Variants in FAF2 observed in about 807,000 individuals in gnomAD.
The protein encoded by FAF2 is Fas associated factor family member 2, also known as FAS-associated factor 2.
In FAF2, 9 loss-of-function variants were observed where a neutral mutation model predicts 62.3. That is an observed-to-expected ratio of 0.14 (90% CI 0.09 to 0.25). The LOEUF is 0.25. Among genes scored for constraint, FAF2 ranks in the 10% least tolerant of loss-of-function variants. The pLI, the probability that FAF2 is intolerant of heterozygous loss-of-function variation, is 1.00. For missense variants in FAF2, 368 were observed against 556.2 expected, an observed-to-expected ratio of 0.66 and a Z score of 3.40; for synonymous variants, 202 against 198.0, an observed-to-expected ratio of 1.02 and a Z score of -0.17.
chr5:176,468,885 A>C (rs1178647385), intron 1 of FAF2, among the ~76,000 whole-genome samples: 2 of 152,084 alleles, frequency 1.3e-5, no homozygotes, highest in African/African-American at 4.8e-5. Context: ...AGATGGTTAC[A>C]GTGAGCTATG....
chr5:176,477,973 C>G (rs1219788709), intron 1 of FAF2, among the ~76,000 whole-genome samples: 3 of 152,162 alleles, frequency 2.0e-5, no homozygotes, highest in Non-Finnish European at 4.4e-5. Flanking sequence ...TATTCATTTT[C>G]TGTCCCTCCA....
chr5:176,492,261 T>G lies in FAF2; in HGVS notation c.412T>G (p.Ser138Ala). ...RVTDPVGDIV[S>A]FMHSFEEKYG... ...CACTGACCCCGTTGGGGACATTGTT[T>G]CATTTATGCACTCTTTTGAAGAGAA... The change falls in exon 5 of 11, where the codon TCA becomes GCA. Residue 138 changes from serine (S) to alanine (A), a missense_variant. Coordinates refer to ENST00000261942, the MANE Select transcript of FAF2 (RefSeq NM_014613.3). 6.2e-7 allele frequency: 1 copy of G among 1,614,204 alleles called. No homozygotes were observed. The highest frequency in any genetic ancestry group is 1.1e-5 in the South Asian group (1 of 91,076).
intron 7 of FAF2, 80 bp from the exon 8 acceptor site, chr5:176,496,406 C>A: frequency 8.6e-7 from 1 of 1,159,826 alleles, no homozygotes; most frequent in Non-Finnish European, 1.2e-6. Context: ...ACAGTTCTCT[C>A]TCACTCATTG....
At chr5:176,493,535 A>T (rs535215860) in intron 5 of FAF2, among the ~76,000 whole-genome samples, 12 of 152,370 alleles carry the variant, frequency 7.9e-5, no homozygotes, top group Admixed American at 4.6e-4. Flanking sequence ...CGTACAGTCC[A>T]TCATTCCTAC....
intron 9 of FAF2, among the ~76,000 whole-genome samples, chr5:176,499,702 C>T (rs1321265723): frequency 6.6e-6 from 1 of 151,834 alleles, no homozygotes; most frequent in Non-Finnish European, 1.5e-5. Flanking sequence ...TGGAGCACTA[C>T]ACCCTGAAAC....
intron 1 of FAF2, among the ~76,000 whole-genome samples, chr5:176,477,308 A>T (rs1758720179): frequency 7.2e-6 from 1 of 138,566 alleles, no homozygotes; most frequent in African/African-American, 2.8e-5. Context: ...GCTGGTCTCT[A>T]ACTCCTGACC....
rs188081483 is a variant in FAF2 at position 176,478,394 on chromosome 5, G to A, written c.64-794G>A. On this transcript the variant is annotated intron_variant, in intron 1 of 10. Coordinates refer to ENST00000261942, the MANE Select transcript of FAF2 (RefSeq NM_014613.3). ...CTCAGGAGGCTGAGGCGGGAGGATC[G>A]CTTCAGTCTGGGAAGTTGAGACTGC... 1.3e-3 allele frequency among the ~76,000 whole-genome samples: 203 copies of A among 152,236 alleles called. 2 individuals are homozygous for A. The highest frequency in any genetic ancestry group is 4.2e-3 in the African/African-American group (176 of 41,530).
At chr5:176,489,239 G>A (rs1169221061) in intron 4 of FAF2, among the ~76,000 whole-genome samples, 1 of 151,964 alleles carries the variant, frequency 6.6e-6, no homozygotes, top group Non-Finnish European at 1.5e-5. Flanking sequence ...TTTTAAATTA[G>A]TCTTACCTTT....
At chr5:176,466,607 G>A (rs1758473290) in intron 1 of FAF2, among the ~76,000 whole-genome samples, 1 of 152,182 alleles carries the variant, frequency 6.6e-6, no homozygotes, top group Non-Finnish European at 1.5e-5. Flanking sequence ...ATCTATTATT[G>A]TTTGTGATAC....
At chr5:176,490,699 C>T (rs1257635467) in intron 4 of FAF2, among the ~76,000 whole-genome samples, 1 of 152,152 alleles carries the variant, frequency 6.6e-6, no homozygotes, top group East Asian at 1.9e-4. Flanking sequence ...GTACTCTTTC[C>T]ATCCCCATTT....
chr5:176,477,030 G>T (rs113374008), intron 1 of FAF2, among the ~76,000 whole-genome samples: 1 of 150,516 alleles, frequency 6.6e-6, no homozygotes, highest in Non-Finnish European at 1.5e-5. Context: ...GGATGGTCTC[G>T]ATCTCCTGAC....
In FAF2 at chr5:176,510,042, G is replaced by C. The variant is rs1302094665; in HGVS notation, c.*3092G>C. On this transcript the variant is annotated 3_prime_UTR_variant, in exon 11 of 11. Coordinates refer to ENST00000261942, the MANE Select transcript of FAF2 (RefSeq NM_014613.3). Reference sequence around the variant, plus strand: ...CATAAAAGTTTACATTGTATTGTAGGTTAACATTAAATGTTTTATAGCAAA... The same window carrying C: ...CATAAAAGTTTACATTGTATTGTAGCTTAACATTAAATGTTTTATAGCAAA... 6.6e-6 allele frequency: 1 copy of C among 152,590 alleles called. No individual in the cohort carries two copies. The highest frequency in any genetic ancestry group is 1.9e-4 in the East Asian group (1 of 5,204). The allele number at this position is 152,590 out of a possible 1,614,324, so 9.5% of individuals were successfully genotyped here.
intron 2 of FAF2, among the ~76,000 whole-genome samples, chr5:176,485,214 A>C (rs974368058): frequency 1.3e-5 from 2 of 152,206 alleles, no homozygotes; most frequent in Non-Finnish European, 2.9e-5. Flanking sequence ...AGAAGGGACT[A>C]CTGTATTGCC....
At chr5:176,467,652 G>A (rs372467693) in intron 1 of FAF2, among the ~76,000 whole-genome samples, 34 of 152,334 alleles carry the variant, frequency 2.2e-4, no homozygotes, top group African/African-American at 8.2e-4. Flanking sequence ...TAAAGAGCAT[G>A]CCAGTTTTAG....
intron 1 of FAF2, among the ~76,000 whole-genome samples, chr5:176,466,810 G>A (rs900669455): frequency 2.7e-5 from 4 of 148,076 alleles, no homozygotes; most frequent in Admixed American, 1.3e-4. Flanking sequence ...GACCAAAGCT[G>A]AAGTAGGAAA....
chr5:176,476,138 T>C (rs1431633923), intron 1 of FAF2, among the ~76,000 whole-genome samples: 2 of 152,118 alleles, frequency 1.3e-5, no homozygotes, highest in African/African-American at 4.8e-5. Flanking sequence ...CGCACACCTG[T>C]GGTTCCAGCT....
intron 1 of FAF2, among the ~76,000 whole-genome samples, chr5:176,450,678 C>T (rs1164938396): frequency 6.6e-6 from 1 of 151,976 alleles, no homozygotes; most frequent in Non-Finnish European, 1.5e-5. Flanking sequence ...CTCAGCCTCT[C>T]GAGTAGCTGG....
At chr5:176,495,122 A>T (rs1759039156) in intron 7 of FAF2, among the ~76,000 whole-genome samples, 1 of 152,134 alleles carries the variant, frequency 6.6e-6, no homozygotes, top group Non-Finnish European at 1.5e-5. Flanking sequence ...TTCTTTGGAG[A>T]TAAGTATTTT....
intron 1 of FAF2, among the ~76,000 whole-genome samples, chr5:176,455,023 G>A (rs921772025): frequency 6.6e-6 from 1 of 151,946 alleles, no homozygotes; most frequent in Non-Finnish European, 1.5e-5. Context: ...AGTTTTCATC[G>A]ATACGAAAAC....
Sources: gnomAD v4.1 joint callset for allele counts (sites outside exome capture counted in the v4.1 genomes callset) on GRCh38, gnomAD v4.1.1 for gene constraint, MANE v1.5 for transcripts, NCBI Gene and HGNC (gene_info 2026-07-23, HGNC 2026-07-21) for gene names.